RNF150: variants seen among roughly 807,000 people sequenced by gnomAD.
RNF150 encodes the protein ring finger protein 150.
RNF150 carries 24 observed loss-of-function variants against 39.3 expected under a neutral mutation model. That is an observed-to-expected ratio of 0.61 (90% confidence interval 0.44 to 0.86). The LOEUF (loss-of-function observed/expected upper bound fraction) is 0.86, where lower values mean the gene tolerates loss of function less well. Among genes scored for constraint, RNF150 ranks in the 40% least tolerant of loss-of-function variants. RNF150 has a pLI of 0.00. For synonymous variants in RNF150, 255 were observed against 227.3 expected, an observed-to-expected ratio of 1.12 and a Z score of -1.10; for missense variants, 502 against 587.8, an observed-to-expected ratio of 0.85 and a Z score of 1.51.
intron 4 of RNF150, among the ~76,000 whole-genome samples, chr4:140,938,318 C>T (rs903976431): frequency 4.0e-5 from 6 of 151,842 alleles, no homozygotes; most frequent in South Asian, 2.1e-4. Context: ...CCTCATGTTA[C>T]GCTATTTATT....
chr4:141,027,926 G>GTTTTTTTTTT lies in RNF150; in HGVS notation c.485-60063_485-60054dup, dbSNP rs61543533. ...GCTTGGAATTTGTTTTTTTTTTTTT[G>GTTTTTTTTTT]TTTTTTTTTTTTTTTTTTTTTTTTT... On this transcript the variant is annotated intron_variant, in intron 1 of 6. Transcript: ENST00000515673. Among the ~76,000 whole-genome samples the GTTTTTTTTTT allele has an allele frequency of 8.7e-5, 6 of 69,126 alleles. 1 individual carries two copies. The highest frequency in any genetic ancestry group is 1.1e-4 in the African/African-American group (2 of 18,424). 45.3% of individuals were successfully genotyped at this position (69,126 alleles called of 152,430 possible).
At chr4:140,872,171 G>T (rs1185586492) in intron 6 of RNF150, among the ~76,000 whole-genome samples, 2 of 152,160 alleles carry the variant, frequency 1.3e-5, no homozygotes, top group Non-Finnish European at 2.9e-5. Flanking sequence ...TGAAAACTTT[G>T]TCAGCAAACT....
chr4:140,922,450 C>T (rs1286085346), intron 5 of RNF150, among the ~76,000 whole-genome samples: 2 of 151,172 alleles, frequency 1.3e-5, no homozygotes, highest in African/African-American at 4.9e-5. Context: ...CTACAAACCA[C>T]TGCTCAATGA....
At chr4:141,046,215 T>C (rs930717372) in intron 1 of RNF150, among the ~76,000 whole-genome samples, 1 of 152,212 alleles carries the variant, frequency 6.6e-6, no homozygotes, top group African/African-American at 2.4e-5. Flanking sequence ...TGGTAGCTGA[T>C]GAAGTTTCGT....
intron 1 of RNF150, among the ~76,000 whole-genome samples, chr4:141,029,483 AC>A (rs1296319617): frequency 6.6e-6 from 1 of 152,210 alleles, no homozygotes; most frequent in Non-Finnish European, 1.5e-5. Context: ...ATATACTAGT[AC>A]AGTTAACAGT....
intron 1 of RNF150, among the ~76,000 whole-genome samples, chr4:140,983,389 C>T (rs980926436): frequency 1.3e-5 from 2 of 152,160 alleles, no homozygotes; most frequent in Non-Finnish European, 2.9e-5. Flanking sequence ...AACAGCTTGG[C>T]TTTCTGTACT....
At chr4:141,117,379 T>C (rs1470977539) in intron 1 of RNF150, among the ~76,000 whole-genome samples, 2 of 152,220 alleles carry the variant, frequency 1.3e-5, no homozygotes, top group Non-Finnish European at 2.9e-5. Context: ...ATAATTCTTC[T>C]ATGTTTAGAC....
intron 1 of RNF150, among the ~76,000 whole-genome samples, chr4:141,120,905 C>T (rs1008654271): frequency 6.6e-6 from 1 of 152,146 alleles, no homozygotes; most frequent in Non-Finnish European, 1.5e-5. Context: ...GCTGTATGGG[C>T]AGCAGATGGC....
chr4:140,937,567 T>C (rs977888568), intron 4 of RNF150, among the ~76,000 whole-genome samples: 23 of 152,252 alleles, frequency 1.5e-4, no homozygotes, highest in African/African-American at 5.1e-4. Flanking sequence ...AGCCAAAAAA[T>C]TTAAAATAAT....
intron 1 of RNF150, among the ~76,000 whole-genome samples, chr4:141,070,225 TC>T (rs1459683968): frequency 6.6e-6 from 1 of 152,200 alleles, no homozygotes; most frequent in Non-Finnish European, 1.5e-5. Context: ...TATACAAAAA[TC>T]AATTCAAAAT....
At chr4:140,947,937 G>GT (rs1732388694) in intron 3 of RNF150, among the ~76,000 whole-genome samples, 1 of 152,140 alleles carries the variant, frequency 6.6e-6, no homozygotes. Context: ...TCCACTGCAA[G>GT]TGCTTTTGTA....
chr4:140,938,968 T>A (rs2111352193), intron 4 of RNF150, among the ~76,000 whole-genome samples: 3 of 152,328 alleles, frequency 2.0e-5, no homozygotes, highest in Middle Eastern at 3.4e-3. Context: ...GTTGTGTCAA[T>A]TCTCGACACA....
intron 1 of RNF150, among the ~76,000 whole-genome samples, chr4:141,026,445 T>C (rs1293639647): frequency 6.6e-6 from 1 of 152,192 alleles, no homozygotes; most frequent in Non-Finnish European, 1.5e-5. Context: ...TAGTTTCTTA[T>C]GGCTAGTGGC....
chr4:141,204,166 G>T (rs895031231), intron 1 of RNF150, among the ~76,000 whole-genome samples: 2 of 152,168 alleles, frequency 1.3e-5, no homozygotes, highest in African/African-American at 4.8e-5. Context: ...CAGTTTTGAA[G>T]AATCAGTCTT....
At chr4:141,027,601 G>A (rs1232680135) in intron 1 of RNF150, among the ~76,000 whole-genome samples, 2 of 152,070 alleles carry the variant, frequency 1.3e-5, no homozygotes, top group African/African-American at 2.4e-5. Flanking sequence ...CTGGTCAGAC[G>A]AGTATGTGCC....
In RNF150 at chr4:140,979,084, C is replaced by T. The variant is rs542039033; in HGVS notation, c.485-11211G>A. Among the ~76,000 whole-genome samples the T allele has an allele frequency of 3.9e-5, 6 of 152,196 alleles. No individual in the cohort carries two copies. The South Asian group carries it at 1.2e-3, about 32-fold the overall frequency. On this transcript the variant is annotated intron_variant, in intron 1 of 6. Transcript: ENST00000515673. The stretch of plus-strand genomic sequence containing the variant: ...CAAAATCTGCCCATACTCAGTAGGC[C>T]CGCAATTGGCCCTGAGGAACCTGTG...
intron 1 of RNF150, among the ~76,000 whole-genome samples, chr4:141,093,444 A>G (rs1560735132): frequency 6.6e-6 from 1 of 152,202 alleles, no homozygotes; most frequent in Non-Finnish European, 1.5e-5. Context: ...TAGAAAAACA[A>G]AAAAACAAAA....
chr4:140,987,812 G>A (rs1734062658), intron 1 of RNF150, among the ~76,000 whole-genome samples: 1 of 152,096 alleles, frequency 6.6e-6, no homozygotes, highest in Non-Finnish European at 1.5e-5. Context: ...TGTCAACAGA[G>A]TAAACAGACA....
At chr4:141,153,689 T>C (rs147113752) in intron 1 of RNF150, among the ~76,000 whole-genome samples, 1 of 152,096 alleles carries the variant, frequency 6.6e-6, no homozygotes, top group Non-Finnish European at 1.5e-5. Context: ...ATATAGTAGG[T>C]TTCAAATGGT....
Sources: gnomAD v4.1 joint callset for allele counts (sites outside exome capture counted in the v4.1 genomes callset) on GRCh38, gnomAD v4.1.1 for gene constraint, MANE v1.5 for transcripts, NCBI Gene and HGNC (gene_info 2026-07-23, HGNC 2026-07-21) for gene names.